The following MTOR variants were observed in gnomAD, a reference collection of about 807,000 sequenced individuals.
MTOR encodes mechanistic target of rapamycin kinase.
In MTOR, 70 loss-of-function variants were observed where a neutral mutation model predicts 319.8. That is an observed-to-expected ratio of 0.22 (90% CI 0.18 to 0.27). The LOEUF (loss-of-function observed/expected upper bound fraction) is 0.27, where lower values mean the gene tolerates loss of function less well. MTOR is among the 10% of genes least tolerant of loss of function. The probability of loss-of-function intolerance (pLI) is 1.00; values close to 1 mark genes in which losing one functional copy is unlikely to be tolerated. For missense variants in MTOR, 1,890 were observed against 3,274.4 expected, an observed-to-expected ratio of 0.58 and a Z score of 10.32; for synonymous variants, 1,183 against 1,211.4, an observed-to-expected ratio of 0.98 and a Z score of 0.49.
At chr1:11,220,412 G>C (rs987880228) in intron 19 of MTOR, among the ~76,000 whole-genome samples, 1 of 152,100 alleles carries the variant, frequency 6.6e-6, no homozygotes, top group Non-Finnish European at 1.5e-5. Context: ...ATCTCCAAAT[G>C]AAGATTTAAA....
chr1:11,118,755 T>C (rs963758779), intron 49 of MTOR, among the ~76,000 whole-genome samples: 1 of 151,928 alleles, frequency 6.6e-6, no homozygotes. Context: ...TCCTCCTAAG[T>C]AGCTGGGACA....
intron 34 of MTOR, among the ~76,000 whole-genome samples, chr1:11,141,975 T>A (rs945478138): frequency 1.3e-5 from 2 of 151,304 alleles, no homozygotes; most frequent in African/African-American, 4.8e-5. Context: ...CACTCCAGAC[T>A]GGGGGACTCA....
chr1:11,162,579 G>A lies in MTOR; in HGVS notation c.4329+4863C>T, dbSNP rs183299067. Reference sequence around the variant, plus strand: ...AAGGGAAGCCCATCAGACTAACAGCGGATCTCTTGGCAGAAACTCCACAAG... The same window carrying A: ...AAGGGAAGCCCATCAGACTAACAGCAGATCTCTTGGCAGAAACTCCACAAG... On this transcript the variant is annotated intron_variant, in intron 29 of 57. Coordinates refer to ENST00000361445, the MANE Select transcript of MTOR (RefSeq NM_004958.4). Among the ~76,000 whole-genome samples, 292 of 152,308 alleles carry A rather than the reference G, an allele frequency of 1.9e-3. 3 individuals carry two copies. Among genetic ancestry groups the A allele is most frequent in the African/African-American group, 6.5e-3 (272 of 41,560 alleles).
At chr1:11,198,379 T>C (rs1180687099) in intron 28 of MTOR, among the ~76,000 whole-genome samples, 3 of 152,228 alleles carry the variant, frequency 2.0e-5, no homozygotes, top group Non-Finnish European at 4.4e-5. Context: ...AAAGGAACTC[T>C]TTTAAATATC....
chr1:11,122,257 G>A (rs1242556218), intron 47 of MTOR, 131 bp from the exon 48 acceptor site: 4 of 1,115,646 alleles, frequency 3.6e-6, no homozygotes, highest in South Asian at 1.8e-5. Context: ...AGGCTGGAGT[G>A]CAGTGGCACA....
rs768606197 is a variant in MTOR at position 11,247,686 on chromosome 1, G to C, written c.1164C>G (p.Ile388Met). 1 of 1,614,070 alleles carries C rather than the reference G, an allele frequency of 6.2e-7. No homozygotes were observed. Among genetic ancestry groups the C allele is most frequent in the African/African-American group, 1.3e-5 (1 of 74,922 alleles). Residue 388 changes from isoleucine to methionine, a missense_variant, in exon 8 of 58, where the codon ATC becomes ATG. By Grantham distance (10) the Ile-to-Met change is conservative. Coordinates refer to ENST00000361445, the MANE Select transcript of MTOR (RefSeq NM_004958.4). ...GCAACAAATTAAGGATTGTCATTTG[G>C]ATCAGCGAGTTCTTGCTATTCCTGC... The part of the protein sequence containing the change: ...LKCRNSKNSL[I>M]QMTILNLLPR...
intron 29 of MTOR, 62 bp from the exon 30 acceptor site, chr1:11,157,353 T>C: frequency 3.2e-6 from 5 of 1,556,228 alleles, no homozygotes; most frequent in African/African-American, 2.7e-5. Context: ...CATTGTTTAA[T>C]CCACATACTC....
chr1:11,230,811 C>A (rs1034973295), intron 18 of MTOR, 114 bp downstream of exon 18: 2 of 1,419,926 alleles, frequency 1.4e-6, no homozygotes, highest in Non-Finnish European at 9.7e-7. Context: ...AGTTGCTACA[C>A]GAGCCAATAT....
In MTOR at chr1:11,231,033, A is replaced by G. The variant is rs1646997938; in HGVS notation, c.2671T>C (p.Leu891=). The G allele has an allele frequency of 1.9e-6, 3 of 1,614,068 alleles. No individual in the cohort carries two copies. The highest frequency in any genetic ancestry group is 2.5e-6 in the Non-Finnish European group (3 of 1,180,036). Residue 891 remains leucine, a synonymous_variant, in exon 18 of 58, where the codon TTA becomes CTA. Transcript: ENST00000361445. ...RREAIRVLGL[L]GALDPYKHKV... is the part of the protein sequence containing the mutation. Reference sequence around the variant, plus strand: ...TGCTTGTAAGGATCCAAAGCCCCTAAAAGCCCTAACACACGGATGGCCTGC... The same window carrying G: ...TGCTTGTAAGGATCCAAAGCCCCTAGAAGCCCTAACACACGGATGGCCTGC...
In MTOR at chr1:11,126,687, T is replaced by C; in HGVS notation, c.6461A>G (p.Gln2154Arg). Residue 2154 changes from glutamine (Q) to arginine (R), a missense_variant, in exon 46 of 58, where the codon CAG (glutamine) becomes CGG (arginine). Coordinates refer to ENST00000361445, the MANE Select transcript of MTOR (RefSeq NM_004958.4). Reference protein sequence around the residue: ...YDPNQPIIRIQSIAPSLQVIT... With the variant: ...YDPNQPIIRIRSIAPSLQVIT... ...GACTTGCAAAGACGGTGCTATGGACTGAATGCGAATGATTGGCTGGTTGGG... is the reference window on the plus strand; with the variant it reads ...GACTTGCAAAGACGGTGCTATGGACCGAATGCGAATGATTGGCTGGTTGGG... 6.2e-7 allele frequency: 1 copy of C among 1,614,000 alleles called. No individual in the cohort carries two copies.
Position 11,128,238 on chromosome 1 carries a change from C to T in MTOR, c.5911-112G>A, listed in dbSNP as rs1402999505. The T allele has an allele frequency of 6.9e-7, 1 of 1,455,054 alleles. No homozygotes were observed. Among genetic ancestry groups the T allele is most frequent in the Non-Finnish European group, 9.4e-7 (1 of 1,065,844 alleles). The allele number at this position is 1,455,054 out of a possible 1,614,324, so 90.1% of individuals were successfully genotyped here. A position where few individuals can be genotyped will look rare whatever the true frequency, so the allele number is the denominator to read the frequency against. On this transcript the variant is annotated intron_variant, in intron 42 of 57. Transcript: ENST00000361445. The surrounding 1 kb of genome is among the most constrained non-coding windows in gnomAD (Gnocchi z 5.3). ...GTGGTGAGTGTGACATTAACATCTGCTTGAGACTACCAGGAAGGGGCTCAG... is the reference window on the plus strand; with the variant it reads ...GTGGTGAGTGTGACATTAACATCTGTTTGAGACTACCAGGAAGGGGCTCAG...
chr1:11,117,845 C>T (rs557840780), intron 49 of MTOR, among the ~76,000 whole-genome samples: 3 of 151,966 alleles, frequency 2.0e-5, no homozygotes, highest in South Asian at 2.1e-4. Flanking sequence ...TTTGGGAGGC[C>T]GAGGTGGGTG....
At chr1:11,204,109 A>G (rs926098932) in intron 26 of MTOR, among the ~76,000 whole-genome samples, 7 of 152,324 alleles carry the variant, frequency 4.6e-5, no homozygotes, top group African/African-American at 1.4e-4. Flanking sequence ...TGCCCCAGTC[A>G]AACCATCTCC....
rs180887425 is a variant in MTOR at position 11,230,823 on chromosome 1, C to T, written c.2779+102G>A. 1,392 of 1,514,388 alleles carry T rather than the reference C, an allele frequency of 9.2e-4. 7 individuals are homozygous for T. The highest frequency in any genetic ancestry group is 1.7e-3 in the Middle Eastern group (7 of 4,184). The allele number at this position is 1,514,388 out of a possible 1,614,324, so 93.8% of individuals were successfully genotyped here. A position where few individuals can be genotyped will look rare whatever the true frequency, so the allele number is the denominator to read the frequency against. On this transcript the variant is annotated intron_variant, in intron 18 of 57. Coordinates refer to ENST00000361445, the MANE Select transcript of MTOR (RefSeq NM_004958.4). ...AAAAGTTGCTACACGAGCCAATATC[C>T]TATAATTTCTCAGTAATCCAGCTCC...
At chr1:11,244,032 C>T (rs1263082880) in intron 8 of MTOR, among the ~76,000 whole-genome samples, 1 of 151,368 alleles carries the variant, frequency 6.6e-6, no homozygotes, top group Admixed American at 6.6e-5. Flanking sequence ...GTGGCTCATG[C>T]CTGTAATCCC....
Position 11,128,220 on chromosome 1 carries a change from G to A in MTOR, c.5911-94C>T. 1.3e-6 allele frequency: 2 copies of A among 1,526,302 alleles called. No individual in the cohort carries two copies. The highest frequency in any genetic ancestry group is 1.8e-6 in the Non-Finnish European group (2 of 1,120,422). 94.5% of individuals were successfully genotyped at this position (1,526,302 alleles called of 1,614,324 possible). A position where few individuals can be genotyped will look rare whatever the true frequency, so the allele number is the denominator to read the frequency against. On this transcript the variant is annotated intron_variant, in intron 42 of 57. Transcript: ENST00000361445. This position sits in a 1 kb window ranked among gnomAD's most constrained non-coding sequence, Gnocchi z 5.3. ...AGGAGAATAACAAAACAAGTGGTGA[G>A]TGTGACATTAACATCTGCTTGAGAC...
In MTOR at chr1:11,128,328, A is replaced by T. The variant is rs984244857; in HGVS notation, c.5910+126T>A. ...CCCTCTGGGACGGCTGGCTGGACAG[A>T]CCCTCCTGGGCCAGGATGGAACACA... On this transcript the variant is annotated intron_variant, in intron 42 of 57. Transcript: ENST00000361445. The surrounding 1 kb of genome is among the most constrained non-coding windows in gnomAD (Gnocchi z 5.3). 3.2e-6 allele frequency: 4 copies of T among 1,243,418 alleles called. No homozygotes were observed. The African/African-American group carries it at 6.0e-5, about 19-fold the overall frequency. 77.0% of individuals were successfully genotyped at this position (1,243,418 alleles called of 1,614,324 possible). A position where few individuals can be genotyped will look rare whatever the true frequency, so the allele number is the denominator to read the frequency against.
chr1:11,240,375 T>C lies in MTOR; in HGVS notation c.1714A>G (p.Thr572Ala), dbSNP rs758857090. Residue 572 changes from threonine to alanine, a missense_variant, in exon 11 of 58, where the codon ACC (threonine) becomes GCC (alanine). By Grantham distance (58) the Thr-to-Ala change is moderately conservative (BLOSUM62 0). Transcript: ENST00000361445. Reference sequence around the variant, plus strand: ...CCCACATCGCTGGCCTCAGGGAGGGTCGTGAGGCCAGGAGAGGCCAGCTGA... The same window carrying C: ...CCCACATCGCTGGCCTCAGGGAGGGCCGTGAGGCCAGGAGAGGCCAGCTGA... ...AHQLASPGLT[T>A]LPEASDVGSI... 1.2e-6 allele frequency: 2 copies of C among 1,613,478 alleles called. No homozygotes were observed. The highest frequency in any genetic ancestry group is 1.7e-6 in the Non-Finnish European group (2 of 1,179,756).
chr1:11,144,938 A>C (rs1643883947), intron 33 of MTOR, 30 bp downstream of exon 33: 1 of 1,609,656 alleles, frequency 6.2e-7, no homozygotes, highest in South Asian at 1.1e-5. Context: ...AGCCTCAAAA[A>C]TGACAATGTG....
Sources: allele counts gnomAD v4.1 joint callset (sites outside exome capture counted in the v4.1 genomes callset), GRCh38; gene constraint gnomAD v4.1.1; non-coding constraint Gnocchi (gnomAD v3.1); transcripts MANE v1.5; gene names NCBI Gene and HGNC (gene_info 2026-07-23, HGNC 2026-07-21).